The following TM7SF3 variants were observed in gnomAD, a reference collection of about 807,000 sequenced individuals.
TM7SF3 encodes the protein seven span transmembrane protein.
TM7SF3 carries 60 observed loss-of-function variants against 65.5 expected under a neutral mutation model. That is an observed-to-expected ratio of 0.92 (90% confidence interval 0.74 to 1.14). The LOEUF is 1.14. TM7SF3 is among the 50% of genes most tolerant of loss of function. TM7SF3 has a pLI of 0.00. For missense variants in TM7SF3, 623 were observed against 684.8 expected (o/e 0.91, Z 1.01); for synonymous variants, 264 against 259.6 (o/e 1.02, Z -0.16).
intron 4 of TM7SF3, 97 bp from the exon 5 acceptor site, chr12:26,995,505 A>G: frequency 7.9e-7 from 1 of 1,262,134 alleles, no homozygotes; most frequent in Non-Finnish European, 1.1e-6. Flanking sequence ...ACTTGCAACA[A>G]TAATTACAAT....
intron 3 of TM7SF3, 21 bp downstream of exon 3, chr12:26,999,502 GGGA>G: frequency 6.2e-7 from 1 of 1,610,974 alleles, no homozygotes; most frequent in East Asian, 2.2e-5. Context: ...AAGAGTAAGA[GGGA>G]GGAGAAGACA....
intron 4 of TM7SF3, among the ~76,000 whole-genome samples, chr12:26,996,240 G>A (rs1402283713): frequency 1.3e-5 from 2 of 151,878 alleles, no homozygotes; most frequent in Admixed American, 6.6e-5. Flanking sequence ...GAAACTTTCT[G>A]TAAAATAACA....
intron 3 of TM7SF3, among the ~76,000 whole-genome samples, chr12:26,997,961 G>A (rs1592301983): frequency 6.6e-6 from 1 of 151,692 alleles, no homozygotes; most frequent in African/African-American, 2.4e-5. Flanking sequence ...GAGTACCTGG[G>A]ATTGTAGGCA....
chr12:26,996,527 C>T (rs989359269), intron 4 of TM7SF3, among the ~76,000 whole-genome samples: 32 of 152,122 alleles, frequency 2.1e-4, no homozygotes, highest in African/African-American at 7.0e-4. Context: ...TCTGGCTCTT[C>T]AAATAAAAAG....
In TM7SF3 at chr12:27,014,096, A is replaced by G; in HGVS notation, c.73T>C (p.Phe25Leu). The stretch of plus-strand genomic sequence containing the variant: ...ACCTTACCCTCGCTGGAATTCCCGA[A>G]GACCTCGGCTGCACCAGCCACCCGG... ...EHRVAGAAEVFGNSSEGLIEF... is the reference protein window; with the variant it reads ...EHRVAGAAEVLGNSSEGLIEF... The change falls in exon 1 of 12, where the codon TTC (phenylalanine) becomes CTC (leucine). Residue 25 changes from phenylalanine to leucine, a missense_variant. By Grantham distance (22) the Phe-to-Leu change is conservative. Coordinates refer to ENST00000343028, the MANE Select transcript of TM7SF3 (RefSeq NM_016551.3). The G allele has an allele frequency of 6.4e-7, 1 of 1,571,550 alleles. No homozygotes were observed. Among genetic ancestry groups the G allele is most frequent in the Non-Finnish European group, 8.6e-7 (1 of 1,158,186 alleles).
At chr12:26,992,338 C>T (rs572736232) in intron 5 of TM7SF3, among the ~76,000 whole-genome samples, 8 of 151,790 alleles carry the variant, frequency 5.3e-5, no homozygotes, top group East Asian at 1.9e-4. Context: ...TGCAGTGGCA[C>T]GATCATCTCG....
chr12:26,997,885 G>A (rs566780743), intron 3 of TM7SF3, among the ~76,000 whole-genome samples: 2 of 147,998 alleles, frequency 1.4e-5, no homozygotes, highest in South Asian at 2.2e-4. Context: ...GAGTGAAGTG[G>A]CGCAATCTCA....
At chr12:27,001,501 C>T (rs1940829906) in intron 2 of TM7SF3, among the ~76,000 whole-genome samples, 1 of 152,072 alleles carries the variant, frequency 6.6e-6, no homozygotes, top group Non-Finnish European at 1.5e-5. Context: ...TTGAAGGGCC[C>T]CATGAAATTT....
At chr12:26,986,897 ACT>A (rs1397140911) in intron 6 of TM7SF3, among the ~76,000 whole-genome samples, 1 of 151,872 alleles carries the variant, frequency 6.6e-6, no homozygotes, top group Non-Finnish European at 1.5e-5. Context: ...AAAGTTGATT[ACT>A]CTCTCTTCCA....
At chr12:26,992,554 G>A (rs1312075095) in intron 5 of TM7SF3, among the ~76,000 whole-genome samples, 7 of 152,198 alleles carry the variant, frequency 4.6e-5, no homozygotes, top group Non-Finnish European at 8.8e-5. Context: ...AAAGTGCTGG[G>A]ATTACAGGCG....
chr12:27,013,594 G>A (rs928416506), intron 1 of TM7SF3, among the ~76,000 whole-genome samples: 9 of 152,078 alleles, frequency 5.9e-5, no homozygotes, highest in African/African-American at 2.2e-4. Context: ...CCTCATTATG[G>A]GTTCATTTTC....
chr12:26,996,149 G>C (rs1279595833), intron 4 of TM7SF3, among the ~76,000 whole-genome samples: 1 of 148,194 alleles, frequency 6.7e-6, no homozygotes, highest in East Asian at 2.0e-4. Context: ...CCTCATCTTT[G>C]ATTTAAAAAA....
rs774837805 is a variant in TM7SF3, at chr12:26,990,601, C to A, written c.717G>T (p.Lys239Asn). ...GGAGGGAGGAGAAGGAAACACTTGTCTTATCATTAGCTGTTAGGGTAACCA... is the reference window on the plus strand; with the variant it reads ...GGAGGGAGGAGAAGGAAACACTTGTATTATCATTAGCTGTTAGGGTAACCA... The part of the protein sequence containing the change: ...LKVVTLTAND[K>N]TSVSFSSLPG... The change falls in exon 6 of 12, where the codon AAG (lysine) becomes AAT (asparagine). Residue 239 changes from lysine (K) to asparagine (N), a missense_variant. Transcript: ENST00000343028. 3 of 1,613,846 alleles carry A rather than the reference C, an allele frequency of 1.9e-6. No homozygotes were observed. Among genetic ancestry groups the A allele is most frequent in the South Asian group, 1.1e-5 (1 of 91,022 alleles).
At chr12:27,010,199 T>G (rs1007033589) in intron 1 of TM7SF3, among the ~76,000 whole-genome samples, 2 of 152,196 alleles carry the variant, frequency 1.3e-5, no homozygotes, top group African/African-American at 4.8e-5. Flanking sequence ...GGAAACAACT[T>G]TTAAACTGCC....
At chr12:27,012,766 A>G (rs752445381) in intron 1 of TM7SF3, 7 of 455,498 alleles carry the variant, frequency 1.5e-5, no homozygotes, top group South Asian at 9.3e-5. Context: ...CTGGGAGGCC[A>G]AGGCGGGCAG....
In TM7SF3 at chr12:26,975,585, C is replaced by T. The variant is rs1463859750; in HGVS notation, c.1361G>A (p.Ser454Asn). 1 of 1,614,136 alleles carries T rather than the reference C, an allele frequency of 6.2e-7. No homozygotes were observed. Among genetic ancestry groups the T allele is most frequent in the East Asian group, 2.2e-5 (1 of 44,876 alleles). Residue 454 changes from serine to asparagine, a missense_variant, in exon 11 of 12, where the codon AGC (serine) becomes AAC (asparagine). Coordinates refer to ENST00000343028, the MANE Select transcript of TM7SF3 (RefSeq NM_016551.3). ...VLAIDSYWST[S>N]LSYITLNVLK... is the part of the protein sequence containing the mutation. ...TACGTTCAAAGTGATGTAGGAAAGG[C>T]TTGTGGACCAGTAACTGTCAATGGC...
chr12:26,992,270 TTTATTA>T (rs545256310), intron 5 of TM7SF3, among the ~76,000 whole-genome samples: 21 of 151,210 alleles, frequency 1.4e-4, no homozygotes, highest in African/African-American at 3.2e-4. Flanking sequence ...ATTTTATTTT[TTTATTA>T]TTATTATTAT....
intron 6 of TM7SF3, among the ~76,000 whole-genome samples, chr12:26,985,658 T>A (rs1190755106): frequency 1.7e-4 from 11 of 62,930 alleles, no homozygotes; most frequent in Non-Finnish European, 2.9e-4. Context: ...AAAAAATATA[T>A]ATATATATAT....
intron 1 of TM7SF3, among the ~76,000 whole-genome samples, chr12:27,008,110 C>T (rs1592318005): frequency 6.6e-6 from 1 of 151,928 alleles, no homozygotes; most frequent in East Asian, 2.0e-4. Context: ...GTATTCTCAT[C>T]TTCAGTAGAT....
Sources: gnomAD v4.1 joint callset for allele counts (sites outside exome capture counted in the v4.1 genomes callset) on GRCh38, gnomAD v4.1.1 for gene constraint, MANE v1.5 for transcripts, NCBI Gene and HGNC (gene_info 2026-07-23, HGNC 2026-07-21) for gene names.